Variants in DLG1 observed in about 807,000 individuals in gnomAD.
The protein encoded by DLG1 is disks large homolog 1.
DLG1 carries 42 observed loss-of-function variants against 123.4 expected under a neutral mutation model. The observed-to-expected ratio is 0.34, with a 90% confidence interval of 0.27 to 0.44. The LOEUF (loss-of-function observed/expected upper bound fraction) is 0.44. Among genes scored for constraint, DLG1 ranks in the 20% least tolerant of loss-of-function variants. The probability of loss-of-function intolerance (pLI) is 1.00; values close to 1 mark genes in which losing one functional copy is unlikely to be tolerated. For synonymous variants in DLG1, 317 were observed against 356.2 expected, an observed-to-expected ratio of 0.89 and a Z score of 1.24; for missense variants, 942 against 1,082.6, an observed-to-expected ratio of 0.87 and a Z score of 1.82.
chr3:197,273,333 T>G (rs925852173), intron 4 of DLG1, among the ~76,000 whole-genome samples: 13 of 151,878 alleles, frequency 8.6e-5, no homozygotes, highest in South Asian at 6.2e-4. Flanking sequence ...CTGCAACCTC[T>G]GCTTCCCAGG....
intron 18 of DLG1, 186 bp from the exon 19 acceptor site, chr3:197,069,446 A>G (rs144442194): frequency 1.3e-3 from 525 of 418,732 alleles, no homozygotes; most frequent in African/African-American, 9.9e-3. Flanking sequence ...AAACTCCTGT[A>G]ATTAAGGACA....
intron 18 of DLG1, among the ~76,000 whole-genome samples, chr3:197,073,166 T>C (rs1745134891): frequency 6.6e-6 from 1 of 152,222 alleles, no homozygotes; most frequent in African/African-American, 2.4e-5. Context: ...TTATTCGTAA[T>C]GCAAATGAAA....
chr3:197,200,119 T>C (rs1344688400), intron 4 of DLG1, among the ~76,000 whole-genome samples: 2 of 152,174 alleles, frequency 1.3e-5, no homozygotes, highest in Non-Finnish European at 2.9e-5. Context: ...GATATCTTTC[T>C]TTAGAAACAA....
At position 197,155,625 on chromosome 3, in the gene DLG1, A is replaced by T. The variant is rs910466667; in HGVS notation, c.484-5829T>A. Among the ~76,000 whole-genome samples, 9 of 141,320 alleles carry T rather than the reference A, an allele frequency of 6.4e-5. No individual in the cohort carries two copies. The South Asian group carries it at 6.8e-4, about 11-fold the overall frequency. 92.7% of individuals were successfully genotyped at this position (141,320 alleles called of 152,430 possible). A position where few individuals can be genotyped will look rare whatever the true frequency, so the allele number is the denominator to read the frequency against. On this transcript the variant is annotated intron_variant, in intron 5 of 24. Coordinates refer to ENST00000667157, the MANE Select transcript of DLG1 (RefSeq NM_001366207.1). ...AAGAGACCATTACATTTTCAAATTT[A>T]AAAAAAAAAAAAACTTAGCCTAGCC...
At chr3:197,263,875 G>A (rs1760594972) in intron 4 of DLG1, among the ~76,000 whole-genome samples, 1 of 152,158 alleles carries the variant, frequency 6.6e-6, no homozygotes, top group South Asian at 2.1e-4. Context: ...TGACCACAAT[G>A]TTTGCTGAAT....
intron 4 of DLG1, among the ~76,000 whole-genome samples, chr3:197,203,277 TA>T (rs1302333294): frequency 1.3e-5 from 2 of 152,042 alleles, no homozygotes; most frequent in Non-Finnish European, 2.9e-5. Flanking sequence ...ATAAAGTAAG[TA>T]AAATTTGTAA....
intron 13 of DLG1, among the ~76,000 whole-genome samples, chr3:197,114,190 T>G (rs1771728393): frequency 6.6e-6 from 1 of 152,156 alleles, no homozygotes; most frequent in African/African-American, 2.4e-5. Flanking sequence ...GTCTTCAGAA[T>G]TGATGAGAGA....
intron 4 of DLG1, among the ~76,000 whole-genome samples, chr3:197,244,307 A>G (rs1438959146): frequency 6.6e-6 from 1 of 152,192 alleles, no homozygotes; most frequent in East Asian, 1.9e-4. Context: ...ACTACCATAC[A>G]GTTCATGCCT....
intron 22 of DLG1, among the ~76,000 whole-genome samples, chr3:197,065,039 T>G (rs1738611707): frequency 6.6e-6 from 1 of 151,912 alleles, no homozygotes; most frequent in Middle Eastern, 3.4e-3. Flanking sequence ...GCAAATGACC[T>G]GAAAATAACT....
chr3:197,242,395 A>T (rs1749386174), intron 4 of DLG1, among the ~76,000 whole-genome samples: 1 of 152,072 alleles, frequency 6.6e-6, no homozygotes, highest in South Asian at 2.1e-4. Flanking sequence ...ACAGAAAATA[A>T]ACAAAGAAAC....
At chr3:197,297,446 AG>A in intron 1 of DLG1, 4 of 1,382,936 alleles carry the variant, frequency 2.9e-6, no homozygotes, top group Non-Finnish European at 3.7e-6. Context: ...AAGAACAGAC[AG>A]AAGTCGGCTT....
At chr3:197,238,179 T>C (rs1260957790) in intron 4 of DLG1, among the ~76,000 whole-genome samples, 1 of 151,984 alleles carries the variant, frequency 6.6e-6, no homozygotes, top group East Asian at 1.9e-4. Flanking sequence ...TCAGAGAAAA[T>C]GAGCCAAAAC....
At chr3:197,294,627 C>T (rs889397489) in intron 3 of DLG1, among the ~76,000 whole-genome samples, 13 of 144,074 alleles carry the variant, frequency 9.0e-5, no homozygotes, top group Non-Finnish European at 1.6e-4. Context: ...CACTGCACTC[C>T]AGCCTGGGTG....
intron 4 of DLG1, among the ~76,000 whole-genome samples, chr3:197,261,956 G>A (rs1047738789): frequency 4.6e-5 from 7 of 152,174 alleles, no homozygotes; most frequent in African/African-American, 1.7e-4. Context: ...ACAGTGCTCA[G>A]TAAATGCCAG....
At chr3:197,073,017 C>T (rs1745040966) in intron 18 of DLG1, among the ~76,000 whole-genome samples, 1 of 152,146 alleles carries the variant, frequency 6.6e-6, no homozygotes, top group Non-Finnish European at 1.5e-5. Flanking sequence ...GTTTGATGAA[C>T]AGATCTATCT....
chr3:197,130,630 T>A lies in DLG1; in HGVS notation c.1062A>T (p.Ala354=), dbSNP rs773628453. The part of the protein sequence containing the change: ...VCLEEVTHEE[A]VTALKNTSDF... Reference sequence around the variant, plus strand: ...CAGATGTGTTCTTTAAGGCAGTTACTGCTTCTTCATGAGTAACTTCTTCTA... The same window carrying A: ...CAGATGTGTTCTTTAAGGCAGTTACAGCTTCTTCATGAGTAACTTCTTCTA... The change falls in exon 11 of 25, where the codon GCA becomes GCT. Residue 354 remains alanine, a synonymous_variant. Transcript: ENST00000667157. 57 of 1,609,554 alleles carry A rather than the reference T, an allele frequency of 3.5e-5. No individual in the cohort carries two copies. The highest frequency in any genetic ancestry group is 4.8e-5 in the Non-Finnish European group (57 of 1,178,756).
intron 5 of DLG1, among the ~76,000 whole-genome samples, chr3:197,172,300 T>C (rs181144702): frequency 1.6e-4 from 24 of 152,304 alleles, no homozygotes; most frequent in African/African-American, 5.8e-4. Context: ...TATATAATAC[T>C]TCAGAATGAT....
intron 5 of DLG1, among the ~76,000 whole-genome samples, chr3:197,150,643 T>C (rs1387476967): frequency 6.6e-6 from 1 of 152,152 alleles, no homozygotes; most frequent in African/African-American, 2.4e-5. Context: ...AAGATATGCT[T>C]ACACACATTA....
At position 197,194,606 on chromosome 3, in the gene DLG1, C is replaced by T. The variant is rs191305003; in HGVS notation, c.319-17G>A. 743 of 1,563,310 alleles carry T rather than the reference C, an allele frequency of 4.8e-4. 8 individuals are homozygous for T. In the Middle Eastern group the frequency reaches 0.013, roughly 27 times the overall value. ...CCTGTATTTCTGTAAAGAAAATAAA[C>T]ATGAAGAAGCCCTGATAAGCAACAT... On this transcript the variant is annotated splice_polypyrimidine_tract_variant and intron_variant, in intron 4 of 24. Coordinates refer to ENST00000667157, the MANE Select transcript of DLG1 (RefSeq NM_001366207.1).
Sources: allele counts gnomAD v4.1 joint callset (sites outside exome capture counted in the v4.1 genomes callset), GRCh38; gene constraint gnomAD v4.1.1; transcripts MANE v1.5; gene names NCBI Gene and HGNC (gene_info 2026-07-23, HGNC 2026-07-21).